Variants in LIPE observed in about 807,000 individuals in gnomAD.
LIPE encodes hormone-sensitive lipase.
LIPE carries 66 observed loss-of-function variants against 88.5 expected under a neutral mutation model. The observed-to-expected ratio is 0.75, with a 90% CI of 0.61 to 0.91. LIPE has a LOEUF of 0.91. Among genes scored for constraint, LIPE ranks in the 40% least tolerant of loss-of-function variants. The pLI, the probability that LIPE is intolerant of heterozygous loss-of-function variation, is 0.00. For synonymous variants in LIPE, 570 were observed against 617.5 expected (o/e 0.92, Z 1.14); for missense variants, 1,346 against 1,434.7 (o/e 0.94, Z 1.00).
intron 1 of LIPE, chr19:42,423,974 G>C (rs1441562190): frequency 2.6e-6 from 3 of 1,168,276 alleles, no homozygotes; most frequent in Admixed American, 8.5e-5. Flanking sequence ...CTTTTGAAGG[G>C]GGAAAGTGGG....
rs1239341588 is a variant in LIPE at position 42,423,689 on chromosome 19, C to T, written c.883+2578G>A. The T allele has an allele frequency of 3.5e-6, 4 of 1,144,444 alleles. 1 individual carries two copies. In the South Asian group the frequency reaches 5.1e-5, roughly 15 times the overall value. The allele number at this position is 1,144,444 out of a possible 1,614,324, so 70.9% of individuals were successfully genotyped here. ...CCAGCTCCCTAACCAATTCTGGTCT[C>T]CCTCCGCTGCCGTGCTCCGCCCCCA... On this transcript the variant is annotated intron_variant, in intron 1 of 9. Transcript: ENST00000244289.
chr19:42,405,741 G>T (rs542106252), intron 7 of LIPE, 180 bp from the exon 8 acceptor site: 5 of 622,716 alleles, frequency 8.0e-6, no homozygotes, highest in Non-Finnish European at 1.4e-5. Flanking sequence ...AGGCCAAGGC[G>T]AGAGGATGGC....
At position 42,427,164 on chromosome 19, in the gene LIPE, C is replaced by T. The variant is rs183442433; in HGVS notation, c.-15G>A. ...CCTGGCTCCATTGTTATTTCCCTCA[C>T]GGGAGATATTGATCTTCCAGGTTCT... On this transcript the variant is annotated 5_prime_UTR_variant, in exon 1 of 10. It adds an upstream start codon to the 5' untranslated region. Coordinates refer to ENST00000244289, the MANE Select transcript of LIPE (RefSeq NM_005357.4). The T allele has an allele frequency of 3.2e-6, 5 of 1,572,878 alleles. No homozygotes were observed. Among genetic ancestry groups the T allele is most frequent in the East Asian group, 4.5e-5 (2 of 44,570 alleles).
At chr19:42,402,241 AGGGAATGGG>A (rs1183260404) in intron 9 of LIPE, among the ~76,000 whole-genome samples, 166 bp from the exon 10 acceptor site, 5 of 151,700 alleles carry the variant, frequency 3.3e-5, no homozygotes, top group African/African-American at 1.2e-4. Context: ...GAGAGAATGG[AGGGAATGGG>A]GGGAGTTGTG....
intron 1 of LIPE, among the ~76,000 whole-genome samples, chr19:42,416,213 G>T (rs925569389): frequency 6.6e-6 from 1 of 151,948 alleles, no homozygotes; most frequent in Non-Finnish European, 1.5e-5. Context: ...GCGTGGTGGC[G>T]CATGCCTGTA....
Position 42,426,768 on chromosome 19 carries a change from C to A in LIPE, c.382G>T (p.Glu128Ter). Residue 128 changes from glutamate (E) to a stop codon, truncating the protein, a stop_gained, in exon 1 of 10, where the codon GAG becomes TAG. Transcript: ENST00000244289. LOFTEE classifies it high-confidence loss of function. ...GLGKESITQQ[E>*]PALRQRHVAQ... The stretch of plus-strand genomic sequence containing the variant: ...ACATGTCTTTGTCTCAATGCTGGCT[C>A]CTGTTGAGTTATAGATTCTTTTCCT... The A allele has an allele frequency of 6.2e-7, 1 of 1,614,026 alleles. No individual in the cohort carries two copies. Among genetic ancestry groups the A allele is most frequent in the South Asian group, 1.1e-5 (1 of 91,076 alleles).
rs2040242032 is a variant in LIPE at position 42,407,962 on chromosome 19, C to T, written c.1656+14G>A. 6.2e-7 allele frequency: 1 copy of T among 1,610,036 alleles called. No individual in the cohort carries two copies. Among genetic ancestry groups the T allele is most frequent in the Non-Finnish European group, 8.5e-7 (1 of 1,178,810 alleles). On this transcript the variant is annotated intron_variant, in intron 4 of 9. Coordinates refer to ENST00000244289, the MANE Select transcript of LIPE (RefSeq NM_005357.4). The surrounding 1 kb of genome is among the most constrained non-coding windows in gnomAD (Gnocchi z 5.8). ...CTCTGGGCCTCAGTGTCCCCATCTG[C>T]AACAGGCCCTCACCGATAGCACTTC... is the stretch of plus-strand genomic sequence containing the variant.
chr19:42,426,926 G>A lies in LIPE; in HGVS notation c.224C>T (p.Pro75Leu). The A allele has an allele frequency of 1.2e-6, 2 of 1,614,162 alleles. No individual in the cohort carries two copies. The highest frequency in any genetic ancestry group is 1.7e-6 in the Non-Finnish European group (2 of 1,180,032). ...TGAAGCAGATTTTTGTTGGGCTCTAGGTTCCTTCTGGGATTCAGCATCATG... is the reference window on the plus strand; with the variant it reads ...TGAAGCAGATTTTTGTTGGGCTCTAAGTTCCTTCTGGGATTCAGCATCATG... Reference protein sequence around the residue: ...AQHDAESQKEPRAQQKSASQE... With the variant: ...AQHDAESQKELRAQQKSASQE... The change falls in exon 1 of 10, where the codon CCT (proline) becomes CTT (leucine). Residue 75 changes from proline (P) to leucine (L), a missense_variant. Transcript: ENST00000244289.
chr19:42,413,685 T>C (rs566499058), intron 1 of LIPE, among the ~76,000 whole-genome samples: 1 of 152,008 alleles, frequency 6.6e-6, no homozygotes, highest in Non-Finnish European at 1.5e-5. Context: ...CAAAAAAGAT[T>C]AGGGCCTTGA....
At position 42,410,929 on chromosome 19, in the gene LIPE, A is replaced by C; in HGVS notation, c.884-87T>G. The C allele has an allele frequency of 7.8e-7, 1 of 1,285,114 alleles. No homozygotes were observed. The highest frequency in any genetic ancestry group is 1.6e-5 in the South Asian group (1 of 64,380). 79.6% of individuals were successfully genotyped at this position (1,285,114 alleles called of 1,614,324 possible). ...CAGGAGTCTGGGCCATAGCTTACCC[A>C]CTCCTCCTTCAAACCTCAGTGCTGT... On this transcript the variant is annotated intron_variant, in intron 1 of 9. Coordinates refer to ENST00000244289, the MANE Select transcript of LIPE (RefSeq NM_005357.4). This position sits in a 1 kb window ranked among gnomAD's most constrained non-coding sequence, Gnocchi z 6.1.
rs144391269 is a variant in LIPE, at chr19:42,407,407, G to A, written c.1904C>T (p.Pro635Leu). 24 of 1,613,490 alleles carry A rather than the reference G, an allele frequency of 1.5e-5. No homozygotes were observed. The highest frequency in any genetic ancestry group is 1.8e-5 in the Non-Finnish European group (21 of 1,179,830). The stretch of plus-strand genomic sequence containing the variant: ...CGAGCGGGGTGCCTGCTGGGGGCGC[G>A]GCCACAGCTCCAGGCTCCGTTGGCC... ...SNGQRSLELWPRPQQAPRSRS... is the reference protein window; with the variant it reads ...SNGQRSLELWLRPQQAPRSRS... The change falls in exon 6 of 10, where the codon CCG (proline) becomes CTG (leucine). Residue 635 changes from proline to leucine, a missense_variant. Pro to Leu is a moderately conservative substitution (Grantham distance 98). Coordinates refer to ENST00000244289, the MANE Select transcript of LIPE (RefSeq NM_005357.4). The surrounding 1 kb of genome is among the most constrained non-coding windows in gnomAD (Gnocchi z 5.8).
In LIPE at chr19:42,406,293, C is replaced by G. The variant is rs138909033; in HGVS notation, c.2233G>C (p.Val745Leu). 150 of 1,614,012 alleles carry G rather than the reference C, an allele frequency of 9.3e-5. No homozygotes were observed. In the African/African-American group the frequency reaches 1.5e-3, roughly 16 times the overall value. The change falls in exon 7 of 10, where the codon GTG (valine) becomes CTG (leucine). Residue 745 changes from valine (V) to leucine (L), a missense_variant. Physicochemically the swap from Val to Leu is conservative, Grantham distance 32 (BLOSUM62 1). Coordinates refer to ENST00000244289, the MANE Select transcript of LIPE (RefSeq NM_005357.4). This position sits in a 1 kb window ranked among gnomAD's most constrained non-coding sequence, Gnocchi z 5.7. The stretch of plus-strand genomic sequence containing the variant: ...TAGGCTGCCATGATGCCATCTGGCA[C>G]CCGCACCCCGTAGGCTGCTGCCCGA... ...ALRAAAYGVR[V>L]PDGIMAAYPA...
At chr19:42,422,801 C>A (rs1039983559) in intron 1 of LIPE, among the ~76,000 whole-genome samples, 3 of 152,132 alleles carry the variant, frequency 2.0e-5, no homozygotes, top group Non-Finnish European at 2.9e-5. Context: ...CAAGCCAGGG[C>A]CCGTTGTCCT....
chr19:42,412,481 G>A (rs1044109477), intron 1 of LIPE: 14 of 985,726 alleles, frequency 1.4e-5, no homozygotes, highest in African/African-American at 5.2e-5. Context: ...GGGTGTAGCC[G>A]CACAAGCCAC....
Position 42,411,807 on chromosome 19 carries a change from G to A in LIPE, c.884-965C>T, listed in dbSNP as rs79922492. Among the ~76,000 whole-genome samples the A allele has an allele frequency of 4.3e-3, 654 of 152,336 alleles. 6 individuals are homozygous for A. The highest frequency in any genetic ancestry group is 0.015 in the African/African-American group (615 of 41,574). On this transcript the variant is annotated intron_variant, in intron 1 of 9. Transcript: ENST00000244289. The stretch of plus-strand genomic sequence containing the variant: ...TGGAACAGCGATACTCATCACTGGT[G>A]TCGACCTTGAGCATATCCGTGCAGG...
intron 8 of LIPE, among the ~76,000 whole-genome samples, chr19:42,403,488 C>T (rs1011003229): frequency 1.3e-4 from 20 of 150,720 alleles, no homozygotes; most frequent in Non-Finnish European, 2.4e-4. Flanking sequence ...CGCTCTGTCA[C>T]CCAGGCTGGA....
chr19:42,401,566 A>C lies in LIPE; in HGVS notation c.*246T>G, dbSNP rs2039969635. On this transcript the variant is annotated 3_prime_UTR_variant, in exon 10 of 10. Coordinates refer to ENST00000244289, the MANE Select transcript of LIPE (RefSeq NM_005357.4). ...CCAAACCGACCTGCAAGGGAGGGCC[A>C]GTCCCCGTCCCTGCGGCGGTCGCCG... 2.0e-6 allele frequency: 1 copy of C among 489,062 alleles called. No homozygotes were observed. The highest frequency in any genetic ancestry group is 4.1e-5 in the Admixed American group (1 of 24,168). 30.3% of individuals were successfully genotyped at this position (489,062 alleles called of 1,614,324 possible).
intron 1 of LIPE, chr19:42,424,595 G>T (rs2040673525): frequency 2.2e-6 from 1 of 456,178 alleles, no homozygotes; most frequent in African/African-American, 2.0e-5. Flanking sequence ...GCTGAGAAAC[G>T]CGTTACTCTC....
In LIPE at chr19:42,410,835, C is replaced by A; in HGVS notation, c.891G>T (p.Arg297Ser). The change falls in exon 2 of 10, where the codon AGG becomes AGT. Residue 297 changes from arginine to serine, a missense_variant. Physicochemically the swap from Arg to Ser is moderately radical, Grantham distance 110. Transcript: ENST00000244289. This position sits in a 1 kb window ranked among gnomAD's most constrained non-coding sequence, Gnocchi z 6.1. ...NHRHYQDTAS[R>S]LIHNMDLRTM... ...TGCGCAGGTCCATGTTGTGGATGAG[C>A]CTTGAGGCTGTGGGCAGGTGGGGAG... 6.4e-7 allele frequency: 1 copy of A among 1,551,448 alleles called. No individual in the cohort carries two copies.
Sources: gnomAD v4.1 joint callset for allele counts (sites outside exome capture counted in the v4.1 genomes callset) on GRCh38, gnomAD v4.1.1 for gene constraint, Gnocchi (gnomAD v3.1) non-coding constraint, MANE v1.5 for transcripts, NCBI Gene and HGNC (gene_info 2026-07-23, HGNC 2026-07-21) for gene names.